FIRRM: variants seen among roughly 807,000 people sequenced by gnomAD.
FIRRM encodes the protein FIGNL1 interacting regulator of recombination and mitosis.
At chr1:169,801,012 T>C in the FIRRM span, 2 of 1,000,410 alleles carry the variant, frequency 2.0e-6, no homozygotes, top group African/African-American at 3.3e-5. Context: ...ATAAGGAATC[T>C]AGCCTCAGTC....
At chr1:169,827,813 A>C in the FIRRM span, 5 of 1,613,912 alleles carry the variant, frequency 3.1e-6, no homozygotes, top group African/African-American at 1.3e-5. Flanking sequence ...TGGTGCACAG[A>C]CAGCCAGGTC....
the FIRRM span, among the ~76,000 whole-genome samples, chr1:169,833,190 G>C: frequency 6.6e-6 from 1 of 152,238 alleles, no homozygotes; most frequent in Middle Eastern, 3.4e-3. Flanking sequence ...GTATGGCCTA[G>C]TGCAGTCCCT....
At chr1:169,851,650 A>G in the FIRRM span, 1 of 760,566 alleles carries the variant, frequency 1.3e-6, no homozygotes, top group Non-Finnish European at 2.1e-6. Flanking sequence ...AACACAGTAG[A>G]GTGATTTAAT....
At chr1:169,818,215 GGTAA>G in the FIRRM span, among the ~76,000 whole-genome samples, 2 of 152,112 alleles carry the variant, frequency 1.3e-5, no homozygotes, top group Non-Finnish European at 2.9e-5. Context: ...GGAAAACCTT[GGTAA>G]GTAAGGAATT....
the FIRRM span, chr1:169,850,296 G>A: frequency 1.9e-6 from 3 of 1,612,516 alleles, no homozygotes; most frequent in South Asian, 1.1e-5. Context: ...GTTCCACAGT[G>A]TCTCAGTTCT....
At chr1:169,802,460 A>C in the FIRRM span, among the ~76,000 whole-genome samples, 1 of 152,124 alleles carries the variant, frequency 6.6e-6, no homozygotes, top group Non-Finnish European at 1.5e-5. Context: ...TTTTCTCTGT[A>C]TTTTGTGCTT....
chr1:169,811,704 A>G, the FIRRM span, among the ~76,000 whole-genome samples: 7,006 of 145,780 alleles, frequency 0.048, 393 homozygotes, highest in Non-Finnish European at 0.074. Flanking sequence ...AGATTATCTA[A>G]ATAGATAATA....
chr1:169,819,373 C>T, the FIRRM span, among the ~76,000 whole-genome samples: 17 of 152,270 alleles, frequency 1.1e-4, 1 homozygote, highest in South Asian at 3.3e-3. Context: ...GTATCCCCCT[C>T]GTGCCATTAG....
the FIRRM span, chr1:169,825,998 C>T: frequency 4.9e-6 from 1 of 202,076 alleles, no homozygotes; most frequent in Non-Finnish European, 1.1e-5. Flanking sequence ...CAGTTTATTT[C>T]TTGTAAAGCT....
the FIRRM span, chr1:169,795,060 GC>G: frequency 5.8e-4 from 861 of 1,474,612 alleles, 8 homozygotes; most frequent in African/African-American, 9.7e-3. Context: ...TCCGGTCTGG[GC>G]TTTGGCGGGT....
the FIRRM span, chr1:169,853,885 T>A: frequency 8.9e-7 from 1 of 1,118,284 alleles, no homozygotes; most frequent in Non-Finnish European, 1.3e-6. Context: ...CCAGAAACAC[T>A]ACCTCGTACT....
chr1:169,835,223 A>G, the FIRRM span, among the ~76,000 whole-genome samples: 1 of 152,154 alleles, frequency 6.6e-6, no homozygotes, highest in South Asian at 2.1e-4. Flanking sequence ...TAATCCCAGT[A>G]TGGTGATGAT....
the FIRRM span, chr1:169,837,161 G>C: frequency 1.3e-6 from 2 of 1,487,544 alleles, no homozygotes; most frequent in Non-Finnish European, 1.8e-6. Flanking sequence ...GCTGTTTATT[G>C]AGCATTGTTT....
the FIRRM span, among the ~76,000 whole-genome samples, chr1:169,838,745 C>A: frequency 1.3e-5 from 2 of 152,324 alleles, no homozygotes; most frequent in East Asian, 3.9e-4. Flanking sequence ...CCACCTCGGT[C>A]TCCCAAAGTG....
chr1:169,830,688 T>C, the FIRRM span: 5,397 of 1,612,666 alleles, frequency 3.3e-3, 14 homozygotes, highest in Non-Finnish European at 4.1e-3. Flanking sequence ...TTCTCTTTTA[T>C]ATTGCAGATA....
chr1:169,842,595 A>G, the FIRRM span: 2 of 1,586,224 alleles, frequency 1.3e-6, no homozygotes, highest in African/African-American at 1.4e-5. Flanking sequence ...TCAAAAAAAG[A>G]GGATTGTACT....
At chr1:169,824,864 A>G in the FIRRM span, among the ~76,000 whole-genome samples, 1 of 152,186 alleles carries the variant, frequency 6.6e-6, no homozygotes, top group Non-Finnish European at 1.5e-5. Flanking sequence ...TTTAGTCTCA[A>G]GACTTTAAGT....
chr1:169,830,030 C>G, the FIRRM span, among the ~76,000 whole-genome samples: 8 of 152,042 alleles, frequency 5.3e-5, no homozygotes, highest in Non-Finnish European at 1.0e-4. Context: ...CATTTAAAAT[C>G]ATGTTGAACT....
chr1:169,788,131 T>G, the FIRRM span, among the ~76,000 whole-genome samples: 1 of 152,244 alleles, frequency 6.6e-6, no homozygotes, highest in African/African-American at 2.4e-5. Flanking sequence ...ACTTGGGGTT[T>G]CATGAGACTA....
Sources: gnomAD v4.1 joint callset for allele counts (sites outside exome capture counted in the v4.1 genomes callset) on GRCh38, gnomAD v4.1.1 for gene constraint, MANE v1.5 for transcripts, NCBI Gene and HGNC (gene_info 2026-07-23, HGNC 2026-07-21) for gene names.